Variants in DCLK2 observed in about 807,000 individuals in gnomAD.
DCLK2 encodes the protein doublecortin like kinase 2.
In DCLK2, 31 loss-of-function variants were observed where a neutral mutation model predicts 78.4. The ratio of observed to expected loss-of-function variants is 0.40; its 90% CI spans 0.30 to 0.53. The LOEUF is 0.53. Ranked by LOEUF, DCLK2 falls within the 20% of genes least tolerant of loss-of-function variation. The probability of loss-of-function intolerance (pLI) is 0.61; values close to 1 mark genes in which losing one functional copy is unlikely to be tolerated. For synonymous variants in DCLK2, 407 were observed against 374.9 expected (o/e 1.09, Z -0.99); for missense variants, 872 against 973.7 (o/e 0.90, Z 1.39).
intron 2 of DCLK2, among the ~76,000 whole-genome samples, chr4:150,181,594 A>C (rs558108735): frequency 7.2e-4 from 110 of 151,942 alleles, no homozygotes; most frequent in African/African-American, 2.5e-3. Context: ...AGAAGGTTGC[A>C]GTGGGAAAAG....
chr4:150,250,592 C>A (rs1009804012), intron 15 of DCLK2, among the ~76,000 whole-genome samples: 4 of 151,828 alleles, frequency 2.6e-5, no homozygotes, highest in African/African-American at 9.7e-5. Flanking sequence ...TCAGACCTGC[C>A]AAGGTGATGG....
intron 10 of DCLK2, among the ~76,000 whole-genome samples, chr4:150,233,907 G>C (rs554636005): frequency 1.1e-4 from 17 of 152,148 alleles, no homozygotes; most frequent in Non-Finnish European, 2.2e-4. Flanking sequence ...TAGAGAAACT[G>C]GTTGGGGGAT....
chr4:150,253,710 C>T, intron 15 of DCLK2: 1 of 985,442 alleles, frequency 1.0e-6, no homozygotes, highest in Non-Finnish European at 1.2e-6. Flanking sequence ...GCCAGCCAAG[C>T]AGGCCCCTGG....
chr4:150,157,519 TTGTTTG>T (rs767273376), intron 2 of DCLK2, among the ~76,000 whole-genome samples: 3,274 of 149,580 alleles, frequency 0.022, 97 homozygotes, highest in Non-Finnish European at 0.033. Flanking sequence ...GTTTGTTTGT[TTGTTTG>T]TTTTTGAGCT....
At chr4:150,231,650 T>C (rs898793299) in intron 8 of DCLK2, among the ~76,000 whole-genome samples, 8 of 152,206 alleles carry the variant, frequency 5.3e-5, no homozygotes, top group African/African-American at 1.9e-4. Flanking sequence ...CCAACTGTGT[T>C]ACTCACCAGG....
At chr4:150,217,220 A>C (rs1244525985) in intron 5 of DCLK2, among the ~76,000 whole-genome samples, 1 of 152,188 alleles carries the variant, frequency 6.6e-6, no homozygotes, top group Non-Finnish European at 1.5e-5. Flanking sequence ...AAATGATGAG[A>C]ATTTTGCAAA....
intron 2 of DCLK2, among the ~76,000 whole-genome samples, chr4:150,180,361 C>A (rs546760960): frequency 6.6e-6 from 1 of 152,334 alleles, no homozygotes; most frequent in East Asian, 1.9e-4. Context: ...TGTTCCCATT[C>A]CATTTCTGTT....
chr4:150,179,873 C>T (rs72967223), intron 2 of DCLK2, among the ~76,000 whole-genome samples: 5,394 of 152,166 alleles, frequency 0.035, 294 homozygotes, highest in African/African-American at 0.12. Context: ...AATTTCCAAA[C>T]ATATTCAGTA....
At chr4:150,181,665 G>A (rs905050777) in intron 2 of DCLK2, among the ~76,000 whole-genome samples, 16 of 151,648 alleles carry the variant, frequency 1.1e-4, no homozygotes, top group Non-Finnish European at 1.3e-4. Context: ...GCTGTCTGCA[G>A]ATGCCTTTGA....
Position 150,232,453 on chromosome 4 carries a change from C to T in DCLK2, c.1416C>T (p.Val472=), listed in dbSNP as rs894407919. Residue 472 remains valine (V), a synonymous_variant, in exon 9 of 16, where the codon GTC becomes GTT. Coordinates refer to ENST00000296550, the MANE Select transcript of DCLK2 (RefSeq NM_001040260.4). ...ATELFLVMEL[V]KGGDLFDAIT... ...AGCTCTTTCTGGTGATGGAATTGGTCAAAGTAAGAGGATAGAGAGATTTTC... is the reference window on the plus strand; with the variant it reads ...AGCTCTTTCTGGTGATGGAATTGGTTAAAGTAAGAGGATAGAGAGATTTTC... 1.2e-6 allele frequency: 2 copies of T among 1,613,542 alleles called. No individual in the cohort carries two copies. The highest frequency in any genetic ancestry group is 1.3e-5 in the African/African-American group (1 of 74,912).
At chr4:150,129,767 A>T (rs891247745) in intron 2 of DCLK2, among the ~76,000 whole-genome samples, 1 of 151,664 alleles carries the variant, frequency 6.6e-6, no homozygotes, top group African/African-American at 2.4e-5. Flanking sequence ...TTAAAATATT[A>T]TATTAAAATG....
rs1454035697 is a variant in DCLK2, at chr4:150,175,011, A to AAAAAT, written c.757-18126_757-18125insAAATA. Among the ~76,000 whole-genome samples, 20 of 9,972 alleles carry AAAAAT rather than the reference A, an allele frequency of 2.0e-3. 6 individuals are homozygous for AAAAAT. The highest frequency in any genetic ancestry group is 3.7e-3 in the African/African-American group (14 of 3,792). The allele number at this position is 9,972 out of a possible 152,430, so 6.5% of individuals were successfully genotyped here. On this transcript the variant is annotated intron_variant, in intron 2 of 15. Coordinates refer to ENST00000296550, the MANE Select transcript of DCLK2 (RefSeq NM_001040260.4). ...AGACTCCGTCGCAAAAAAAAAAAAA[A>AAAAAT]ATATATATATATATATATATATTTA...
intron 2 of DCLK2, among the ~76,000 whole-genome samples, chr4:150,174,630 A>C (rs1251622467): frequency 6.6e-6 from 1 of 151,770 alleles, no homozygotes; most frequent in Non-Finnish European, 1.5e-5. Context: ...AAGACTACTG[A>C]ATGTAGTAAT....
At chr4:150,087,432 T>C (rs930832776) in intron 1 of DCLK2, among the ~76,000 whole-genome samples, 6 of 152,228 alleles carry the variant, frequency 3.9e-5, no homozygotes, top group African/African-American at 1.2e-4. Context: ...TTGTTAACTT[T>C]TGAAATAGCA....
chr4:150,220,470 T>C (rs1046359117), intron 5 of DCLK2, among the ~76,000 whole-genome samples: 4 of 151,998 alleles, frequency 2.6e-5, no homozygotes, highest in Admixed American at 6.5e-5. Context: ...TAACATAATT[T>C]CAAAAAAAGG....
chr4:150,235,887 G>C (rs975247178), intron 10 of DCLK2, among the ~76,000 whole-genome samples: 7 of 152,202 alleles, frequency 4.6e-5, no homozygotes, highest in African/African-American at 1.7e-4. Context: ...CCTGCCAGTG[G>C]AGATGTATGG....
chr4:150,239,710 ATCT>A lies in DCLK2; in HGVS notation c.1567-28_1567-26del, dbSNP rs144375063. 8.9e-3 allele frequency: 14,330 copies of A among 1,607,466 alleles called. 83 individuals carry two copies. Among genetic ancestry groups the A allele is most frequent in the Middle Eastern group, 0.036 (215 of 6,018 alleles). On this transcript the variant is annotated intron_variant, in intron 10 of 15. Transcript: ENST00000296550. Reference sequence around the variant, plus strand: ...TCTCACAATTGTTGAGGAAAAAAAAATCTTCTGATTGTTGGCTGATTTCTGTTT... The same window carrying A: ...TCTCACAATTGTTGAGGAAAAAAAAATCTGATTGTTGGCTGATTTCTGTTT...
chr4:150,190,729 G>A (rs527682937), intron 2 of DCLK2, among the ~76,000 whole-genome samples: 6 of 152,002 alleles, frequency 3.9e-5, no homozygotes, highest in African/African-American at 9.7e-5. Flanking sequence ...AGTGATAGTC[G>A]CACAACTCTT....
intron 5 of DCLK2, among the ~76,000 whole-genome samples, chr4:150,213,365 AC>A (rs1433284479): frequency 6.6e-6 from 1 of 152,144 alleles, no homozygotes; most frequent in African/African-American, 2.4e-5. Context: ...CTGTGTTACC[AC>A]CCTCTGGGTG....
Sources: gnomAD v4.1 joint callset for allele counts (sites outside exome capture counted in the v4.1 genomes callset) on GRCh38, gnomAD v4.1.1 for gene constraint, MANE v1.5 for transcripts, NCBI Gene and HGNC (gene_info 2026-07-23, HGNC 2026-07-21) for gene names.